Variants in GAS7 observed in about 807,000 individuals in gnomAD.
GAS7 encodes growth arrest specific 7, also known as growth arrest-specific protein 7.
GAS7 carries 28 observed loss-of-function variants against 71.1 expected under a neutral mutation model. That is an observed-to-expected ratio of 0.39 (90% CI 0.29 to 0.54). The LOEUF is 0.54. GAS7 is among the 20% of genes least tolerant of loss of function. The probability of loss-of-function intolerance (pLI) is 0.62; values close to 1 mark genes in which losing one functional copy is unlikely to be tolerated. For missense variants in GAS7, 436 were observed against 627.8 expected, an observed-to-expected ratio of 0.69 and a Z score of 3.27; for synonymous variants, 258 against 245.8, an observed-to-expected ratio of 1.05 and a Z score of -0.46.
At chr17:10,114,449 C>T (rs2073841775) in intron 1 of GAS7, 1 of 152,156 alleles carries the variant, frequency 6.6e-6, no homozygotes, top group East Asian at 1.9e-4. Flanking sequence ...TACCTAAATC[C>T]CAGCTTCAGG....
intron 1 of GAS7, among the ~76,000 whole-genome samples, chr17:10,115,329 G>A (rs1338991777): frequency 6.6e-6 from 1 of 152,166 alleles, no homozygotes; most frequent in African/African-American, 2.4e-5. Context: ...GCACAGGCGG[G>A]GGGAACGCTG....
At chr17:9,979,017 G>A (rs1396743530) in intron 3 of GAS7, among the ~76,000 whole-genome samples, 2 of 152,180 alleles carry the variant, frequency 1.3e-5, no homozygotes, top group Admixed American at 6.5e-5. Context: ...TCCCCCCGGT[G>A]CTGGCAGTCA....
intron 1 of GAS7, among the ~76,000 whole-genome samples, chr17:10,117,613 C>T (rs1346911809): frequency 6.6e-6 from 1 of 152,126 alleles, no homozygotes; most frequent in Non-Finnish European, 1.5e-5. Context: ...TTATGTAGCA[C>T]CTCATCAGCC....
chr17:9,970,193 A>AC (rs2069902891), intron 3 of GAS7, among the ~76,000 whole-genome samples: 2 of 151,996 alleles, frequency 1.3e-5, no homozygotes, highest in African/African-American at 2.4e-5. Context: ...TAACTTCTCC[A>AC]CCCTCAAACT....
intron 1 of GAS7, among the ~76,000 whole-genome samples, chr17:10,130,987 G>A (rs558932140): frequency 6.6e-6 from 1 of 152,258 alleles, no homozygotes; most frequent in South Asian, 2.1e-4. Context: ...ACTTTACAGG[G>A]GTGAATTGAA....
At chr17:10,102,189 A>G (rs1364743559) in intron 1 of GAS7, among the ~76,000 whole-genome samples, 1 of 146,944 alleles carries the variant, frequency 6.8e-6, no homozygotes, top group Non-Finnish European at 1.5e-5. Flanking sequence ...AGAAGGAAGA[A>G]AAGAAAGAGT....
rs956144085 is a variant in GAS7 at position 9,916,340 on chromosome 17, C to T, written c.*888G>A. The T allele has an allele frequency of 2.1e-5, 5 of 233,168 alleles. No individual in the cohort carries two copies. The highest frequency in any genetic ancestry group is 4.2e-5 in the Non-Finnish European group (5 of 118,092). The allele number at this position is 233,168 out of a possible 1,614,324, so 14.4% of individuals were successfully genotyped here. A position where few individuals can be genotyped will look rare whatever the true frequency, so the allele number is the denominator to read the frequency against. On this transcript the variant is annotated 3_prime_UTR_variant, in exon 14 of 14. Transcript: ENST00000432992. ...TGGCGGACAGGCCCCAGCTTGCTGG[C>T]CTCTGAGACGAGCTGGTTTGTTTCC...
chr17:9,955,450 G>A (rs763086632), intron 5 of GAS7, among the ~76,000 whole-genome samples: 58 of 152,320 alleles, frequency 3.8e-4, no homozygotes, highest in Admixed American at 7.8e-4. Context: ...CGTTTTACAC[G>A]TATTAGCTCA....
At chr17:10,181,053 G>A (rs1245029237) in intron 1 of GAS7, among the ~76,000 whole-genome samples, 1 of 143,428 alleles carries the variant, frequency 7.0e-6, no homozygotes, top group Non-Finnish European at 1.5e-5. Context: ...GTGGCGGGGG[G>A]TGGGGGGTGG....
At chr17:9,933,221 AAAG>A (rs1437604677) in intron 9 of GAS7, among the ~76,000 whole-genome samples, 7 of 152,284 alleles carry the variant, frequency 4.6e-5, no homozygotes, top group South Asian at 4.1e-4. Context: ...ATAAATAAAT[AAAG>A]AAGGACCCTT....
intron 2 of GAS7, among the ~76,000 whole-genome samples, chr17:9,986,726 G>A (rs748956072): frequency 7.9e-5 from 12 of 152,178 alleles, no homozygotes; most frequent in African/African-American, 1.4e-4. Context: ...TAGAGTCTCC[G>A]TAAGTACCAT....
chr17:9,956,752 C>A (rs1279226506), intron 5 of GAS7, among the ~76,000 whole-genome samples: 1 of 152,194 alleles, frequency 6.6e-6, no homozygotes, highest in African/African-American at 2.4e-5. Context: ...GCTGCCCAGG[C>A]CTGGAAATTT....
At chr17:10,148,510 C>G (rs1034460155) in intron 1 of GAS7, among the ~76,000 whole-genome samples, 1 of 150,404 alleles carries the variant, frequency 6.6e-6, no homozygotes, top group African/African-American at 2.5e-5. Context: ...CCCAGCTACT[C>G]TGGAGGCTGA....
chr17:10,092,339 TA>T (rs1256300461), intron 1 of GAS7, among the ~76,000 whole-genome samples: 1 of 152,208 alleles, frequency 6.6e-6, no homozygotes, highest in Non-Finnish European at 1.5e-5. Context: ...GATATTTTGT[TA>T]TACAGTTAGT....
At chr17:10,009,182 G>A (rs1021528663) in intron 2 of GAS7, among the ~76,000 whole-genome samples, 3 of 150,846 alleles carry the variant, frequency 2.0e-5, no homozygotes, top group Admixed American at 6.6e-5. Flanking sequence ...TTAGCCGGGC[G>A]TAGTGGCGGG....
At chr17:10,023,542 T>G (rs2072350283) in intron 1 of GAS7, among the ~76,000 whole-genome samples, 2 of 151,998 alleles carry the variant, frequency 1.3e-5, no homozygotes, top group African/African-American at 4.8e-5. Flanking sequence ...TGCTACAACA[T>G]GGATAAACCT....
At chr17:10,161,664 A>G (rs1018306369) in intron 1 of GAS7, among the ~76,000 whole-genome samples, 1 of 152,218 alleles carries the variant, frequency 6.6e-6, no homozygotes, top group Admixed American at 6.5e-5. Context: ...CTCAGTCATT[A>G]ACTATTACAT....
At chr17:10,025,241 C>T (rs1042323362) in intron 1 of GAS7, among the ~76,000 whole-genome samples, 6 of 151,970 alleles carry the variant, frequency 3.9e-5, no homozygotes, top group South Asian at 2.1e-4. Context: ...CATCTCTACA[C>T]AAAATTAATT....
At chr17:10,075,647 T>C (rs538283261) in intron 1 of GAS7, among the ~76,000 whole-genome samples, 2 of 151,716 alleles carry the variant, frequency 1.3e-5, no homozygotes, top group East Asian at 2.0e-4. Context: ...ATTAAGAAAT[T>C]AGATGAGTGT....
Sources: allele counts gnomAD v4.1 joint callset (sites outside exome capture counted in the v4.1 genomes callset), GRCh38; gene constraint gnomAD v4.1.1; transcripts MANE v1.5; gene names NCBI Gene and HGNC (gene_info 2026-07-23, HGNC 2026-07-21).